SEL1L2: variants seen among roughly 807,000 people sequenced by gnomAD.
SEL1L2 encodes SEL1L2 adaptor subunit of SYVN1 ubiquitin ligase.
SEL1L2 carries 89 observed loss-of-function variants against 98.8 expected under a neutral mutation model. The observed-to-expected ratio is 0.90, with a 90% CI of 0.76 to 1.07. SEL1L2 has a LOEUF of 1.07. Among genes scored for constraint, SEL1L2 ranks in the 50% least tolerant of loss-of-function variants. The probability of loss-of-function intolerance (pLI) is 0.00; values close to 1 mark genes in which losing one functional copy is unlikely to be tolerated. For synonymous variants in SEL1L2, 262 were observed against 278.5 expected, an observed-to-expected ratio of 0.94 and a Z score of 0.59; for missense variants, 788 against 812.0, an observed-to-expected ratio of 0.97 and a Z score of 0.36.
At chr20:13,983,104 T>G (rs2051945910) in intron 1 of SEL1L2, among the ~76,000 whole-genome samples, 1 of 146,576 alleles carries the variant, frequency 6.8e-6, no homozygotes, top group South Asian at 2.2e-4. Flanking sequence ...TAGTTTAACA[T>G]GATTAGTTTT....
At chr20:13,906,095 CG>C in intron 5 of SEL1L2, among the ~76,000 whole-genome samples, 1 of 152,016 alleles carries the variant, frequency 6.6e-6, no homozygotes, top group East Asian at 1.9e-4. Flanking sequence ...AGGCTGGTCT[CG>C]AACTCCTGAC....
intron 13 of SEL1L2, among the ~76,000 whole-genome samples, 167 bp from the exon 14 acceptor site, chr20:13,869,757 A>T (rs1271938212): frequency 6.6e-6 from 1 of 152,194 alleles, no homozygotes; most frequent in Non-Finnish European, 1.5e-5. Flanking sequence ...ATTAGACTCT[A>T]TTAGGAAATA....
Position 13,898,957 on chromosome 20 carries a change from G to T in SEL1L2, c.550-10445C>A, listed in dbSNP as rs532060202. Among the ~76,000 whole-genome samples, 766 of 152,238 alleles carry T rather than the reference G, an allele frequency of 5.0e-3. 6 individuals carry two copies. Among genetic ancestry groups the T allele is most frequent in the African/African-American group, 0.017 (716 of 41,532 alleles). On this transcript the variant is annotated intron_variant, in intron 5 of 19. Transcript: ENST00000284951. ...GGGGTTTCACCATGTTGGCCAGCTG[G>T]TCTTGAACTCCTGACTTCAGGTGAT...
chr20:13,865,175 G>A lies in SEL1L2; in HGVS notation c.1637C>T (p.Ala546Val), dbSNP rs751062129. The A allele has an allele frequency of 6.2e-7, 1 of 1,611,704 alleles. No homozygotes were observed. Among genetic ancestry groups the A allele is most frequent in the Non-Finnish European group, 8.5e-7 (1 of 1,178,306 alleles). The change falls in exon 17 of 20, where the codon GCC becomes GTC. Residue 546 changes from alanine to valine, a missense_variant. Ala to Val is a moderately conservative substitution (Grantham distance 64). Coordinates refer to ENST00000284951, the MANE Select transcript of SEL1L2 (RefSeq NM_025229.2). Reference sequence around the variant, plus strand: ...TTATCTGGGTTCCATACCTTGAATGGCAGCTCGATTCCATAGGAGAAGCGC... The same window carrying A: ...TTATCTGGGTTCCATACCTTGAATGACAGCTCGATTCCATAGGAGAAGCGC... ...PMALLLWNRA[A>V]IQGNAFARVK...
rs566935066 is a variant in SEL1L2 at position 13,907,735 on chromosome 20, TTTCTTTC to T, written c.549+6040_549+6046del. On this transcript the variant is annotated intron_variant, in intron 5 of 19. Transcript: ENST00000284951. The stretch of plus-strand genomic sequence containing the variant: ...CTTTCTTTCTTTCTTTCTTTCTTTC[TTTCTTTC>T]TTTCTTTTCTTTTCTTTTCTTTTCT... 8.6e-3 allele frequency among the ~76,000 whole-genome samples: 1,085 copies of T among 126,532 alleles called. 8 individuals carry two copies. Among genetic ancestry groups the T allele is most frequent in the African/African-American group, 0.016 (489 of 30,500 alleles). The allele number at this position is 126,532 out of a possible 152,430, so 83.0% of individuals were successfully genotyped here. A position where few individuals can be genotyped will look rare whatever the true frequency, so the allele number is the denominator to read the frequency against.
At chr20:13,977,500 G>A (rs567101911) in intron 1 of SEL1L2, among the ~76,000 whole-genome samples, 5 of 152,202 alleles carry the variant, frequency 3.3e-5, no homozygotes, top group African/African-American at 1.2e-4. Context: ...ATAGATCTTG[G>A]GATCCATTAG....
At chr20:13,977,880 T>C (rs1569077142) in intron 1 of SEL1L2, among the ~76,000 whole-genome samples, 1 of 152,140 alleles carries the variant, frequency 6.6e-6, no homozygotes, top group Non-Finnish European at 1.5e-5. Context: ...TAAAAAGATA[T>C]ATTCATGGAT....
intron 1 of SEL1L2, among the ~76,000 whole-genome samples, chr20:13,970,219 A>T (rs780377292): frequency 1.3e-5 from 2 of 152,186 alleles, no homozygotes; most frequent in Non-Finnish European, 2.9e-5. Context: ...TTGTCTTCTG[A>T]CATACCGTGA....
intron 4 of SEL1L2, among the ~76,000 whole-genome samples, chr20:13,917,786 C>CATTTTTTTTTTTTT (rs2048470093): frequency 2.0e-5 from 1 of 50,072 alleles, no homozygotes; most frequent in Non-Finnish European, 3.3e-5. Context: ...TTCTTTCTTT[C>CATTTTTTTTTTTTT]TTTTTTTTTT....
intron 18 of SEL1L2, among the ~76,000 whole-genome samples, chr20:13,853,859 G>A (rs983966070): frequency 1.8e-4 from 28 of 152,262 alleles, no homozygotes; most frequent in Non-Finnish European, 3.7e-4. Context: ...CTATTTTGGA[G>A]CATTCTCGTT....
intron 5 of SEL1L2, among the ~76,000 whole-genome samples, chr20:13,894,709 T>C (rs2047348513): frequency 6.6e-6 from 1 of 152,220 alleles, no homozygotes; most frequent in Admixed American, 6.5e-5. Flanking sequence ...CATACTGTTA[T>C]GAACAATTAT....
rs145762561 is a variant in SEL1L2 at position 13,975,034 on chromosome 20, T to C, written c.58+15443A>G. 4.1e-3 allele frequency among the ~76,000 whole-genome samples: 622 copies of C among 152,302 alleles called. 11 individuals are homozygous for C. Among genetic ancestry groups the C allele is most frequent in the African/African-American group, 0.014 (600 of 41,564 alleles). ...AATATTCTCTTCAATCCCAGCATTATAATCTTGGTTCCAAGTCTGTGGGGA... is the reference window on the plus strand; with the variant it reads ...AATATTCTCTTCAATCCCAGCATTACAATCTTGGTTCCAAGTCTGTGGGGA... On this transcript the variant is annotated intron_variant, in intron 1 of 19. Transcript: ENST00000284951.
chr20:13,945,296 C>T (rs371770614), intron 2 of SEL1L2, among the ~76,000 whole-genome samples: 29 of 152,174 alleles, frequency 1.9e-4, no homozygotes, highest in African/African-American at 6.5e-4. Context: ...TATTCTTTAT[C>T]CCATTTAGTG....
chr20:13,897,710 C>G (rs1162896596), intron 5 of SEL1L2, among the ~76,000 whole-genome samples: 1 of 151,964 alleles, frequency 6.6e-6, no homozygotes, highest in African/African-American at 2.4e-5. Flanking sequence ...GTCAAAACCA[C>G]AATAAGAGCC....
chr20:13,862,159 A>G (rs759441359), intron 17 of SEL1L2, among the ~76,000 whole-genome samples: 5 of 152,242 alleles, frequency 3.3e-5, no homozygotes, highest in Non-Finnish European at 5.9e-5. Flanking sequence ...ATGGACATGC[A>G]AGGAAACTTT....
intron 1 of SEL1L2, among the ~76,000 whole-genome samples, chr20:13,970,252 T>G (rs558285117): frequency 6.6e-6 from 1 of 152,144 alleles, no homozygotes; most frequent in Non-Finnish European, 1.5e-5. Flanking sequence ...AATCTCAAGG[T>G]TGGAAGACAG....
At chr20:13,924,994 C>A (rs1003504512) in intron 3 of SEL1L2, among the ~76,000 whole-genome samples, 4 of 152,014 alleles carry the variant, frequency 2.6e-5, no homozygotes, top group African/African-American at 9.7e-5. Flanking sequence ...TAAAAATTAG[C>A]CGGGCATAGT....
chr20:13,951,980 T>C (rs2050300074), intron 2 of SEL1L2, among the ~76,000 whole-genome samples: 1 of 151,996 alleles, frequency 6.6e-6, no homozygotes, highest in African/African-American at 2.4e-5. Flanking sequence ...GTGATGGAAA[T>C]AAACAGGATA....
At chr20:13,869,757 A>G (rs1271938212) in intron 13 of SEL1L2, among the ~76,000 whole-genome samples, 167 bp from the exon 14 acceptor site, 1 of 152,194 alleles carries the variant, frequency 6.6e-6, no homozygotes, top group Non-Finnish European at 1.5e-5. Context: ...ATTAGACTCT[A>G]TTAGGAAATA....
Sources: allele counts gnomAD v4.1 joint callset (sites outside exome capture counted in the v4.1 genomes callset), GRCh38; gene constraint gnomAD v4.1.1; transcripts MANE v1.5; gene names NCBI Gene and HGNC (gene_info 2026-07-23, HGNC 2026-07-21).